Variants in MCPH1 observed in about 807,000 individuals in gnomAD.
The protein encoded by MCPH1 is microcephalin.
Under a neutral mutation model 84.5 loss-of-function variants are expected in MCPH1, and 104 were observed. That is an observed-to-expected ratio of 1.23 (90% CI 1.05 to 1.45). The LOEUF (loss-of-function observed/expected upper bound fraction) is 1.45. Ranked by LOEUF, MCPH1 falls within the 40% of genes most tolerant of loss-of-function variation. MCPH1 has a pLI of 0.00. For synonymous variants in MCPH1, 514 were observed against 366.8 expected (o/e 1.40, Z -4.58); for missense variants, 1,498 against 1,005.7 (o/e 1.49, Z -6.62).
intron 12 of MCPH1, chr8:6,562,956 G>A: frequency 6.4e-7 from 1 of 1,558,766 alleles, no homozygotes. Flanking sequence ...TAATAAACCA[G>A]CAGCTTAGCA....
At chr8:6,463,890 C>G (rs746015455) in intron 9 of MCPH1, among the ~76,000 whole-genome samples, 3 of 152,182 alleles carry the variant, frequency 2.0e-5, no homozygotes, top group Non-Finnish European at 4.4e-5. Flanking sequence ...AGATGGTGCA[C>G]TTGGCTGGAA....
intron 12 of MCPH1, chr8:6,532,544 C>A: frequency 3.0e-6 from 4 of 1,327,404 alleles, no homozygotes; most frequent in Non-Finnish European, 4.0e-6. Context: ...AAACCTGATT[C>A]CTAAATGTTT....
At chr8:6,472,832 A>T (rs1316217519) in intron 9 of MCPH1, among the ~76,000 whole-genome samples, 1 of 152,224 alleles carries the variant, frequency 6.6e-6, no homozygotes, top group African/African-American at 2.4e-5. Flanking sequence ...AAATATCAAA[A>T]ATTATCAAGA....
chr8:6,610,118 A>C (rs1830137948), intron 12 of MCPH1, among the ~76,000 whole-genome samples: 1 of 152,192 alleles, frequency 6.6e-6, no homozygotes, highest in Non-Finnish European at 1.5e-5. Flanking sequence ...TGGCCTTGAG[A>C]GTCTCCTTGC....
intron 9 of MCPH1, among the ~76,000 whole-genome samples, chr8:6,464,900 A>G (rs1806682940): frequency 6.6e-6 from 1 of 152,140 alleles, no homozygotes; most frequent in African/African-American, 2.4e-5. Context: ...TCGGGAGACT[A>G]AGGCAGGACA....
At chr8:6,581,536 T>C (rs1366473601) in intron 12 of MCPH1, among the ~76,000 whole-genome samples, 2 of 152,238 alleles carry the variant, frequency 1.3e-5, no homozygotes, top group East Asian at 1.9e-4. Context: ...CAGGATCTCA[T>C]GTAATACAGA....
chr8:6,421,858 G>A (rs1530408), intron 3 of MCPH1, among the ~76,000 whole-genome samples: 101,555 of 152,012 alleles, frequency 0.67, 38,048 homozygotes, highest in Non-Finnish European at 0.82. Context: ...CAAATGCTCT[G>A]GGCTTCCACG....
chr8:6,434,274 A>G (rs1802316321), intron 4 of MCPH1, among the ~76,000 whole-genome samples: 1 of 152,288 alleles, frequency 6.6e-6, no homozygotes, highest in Non-Finnish European at 1.5e-5. Flanking sequence ...CGCAAGATGG[A>G]GTGTCTTCTT....
chr8:6,617,900 A>AATCTATCTATCTATCTATCT (rs142071946), intron 12 of MCPH1, among the ~76,000 whole-genome samples: 3,004 of 143,094 alleles, frequency 0.021, 45 homozygotes, highest in East Asian at 0.031. Context: ...CTATCTATCT[A>AATCTATCTATCTATCTATCT]ATCTATCTAT....
intron 12 of MCPH1, chr8:6,500,146 C>A: frequency 5.5e-6 from 3 of 543,968 alleles, no homozygotes; most frequent in South Asian, 2.1e-5. Flanking sequence ...GGAATGCAGT[C>A]CAAAGAAAAT....
At chr8:6,585,689 A>C (rs1827920092) in intron 12 of MCPH1, among the ~76,000 whole-genome samples, 1 of 152,166 alleles carries the variant, frequency 6.6e-6, no homozygotes, top group South Asian at 2.1e-4. Context: ...CCTTCCTTCC[A>C]TATGGCCCAT....
In MCPH1 at chr8:6,634,653, G is replaced by C. The variant is rs1365034019; in HGVS notation, c.2453-8341G>C. Reference sequence around the variant, plus strand: ...TCACCAGGGACATCTTTTCTGATCGGTTTTACAAACACTTCGTACAGGCCT... The same window carrying C: ...TCACCAGGGACATCTTTTCTGATCGCTTTTACAAACACTTCGTACAGGCCT... On this transcript the variant is annotated intron_variant, in intron 13 of 13. Coordinates refer to ENST00000344683, the MANE Select transcript of MCPH1 (RefSeq NM_024596.5). Among the ~76,000 whole-genome samples, 7 of 152,188 alleles carry C rather than the reference G, an allele frequency of 4.6e-5. No homozygotes were observed. The South Asian group carries it at 1.0e-3, about 22-fold the overall frequency.
chr8:6,409,715 T>G (rs1798272410), intron 2 of MCPH1, among the ~76,000 whole-genome samples: 1 of 151,976 alleles, frequency 6.6e-6, no homozygotes, highest in African/African-American at 2.4e-5. Flanking sequence ...AAATATCTGT[T>G]AGATATTTGG....
chr8:6,496,243 A>C (rs555063335), intron 11 of MCPH1, among the ~76,000 whole-genome samples: 4 of 152,126 alleles, frequency 2.6e-5, no homozygotes, highest in Non-Finnish European at 5.9e-5. Flanking sequence ...TGCAACCTAG[A>C]TCCCTCATCT....
chr8:6,629,184 C>T (rs996575990), intron 13 of MCPH1, among the ~76,000 whole-genome samples: 3 of 152,174 alleles, frequency 2.0e-5, no homozygotes, highest in Non-Finnish European at 4.4e-5. Flanking sequence ...AGGAAGAGGC[C>T]AGGCGTGGTG....
chr8:6,519,969 T>C (rs1312692715), intron 12 of MCPH1: 4 of 1,614,068 alleles, frequency 2.5e-6, no homozygotes, highest in Non-Finnish European at 2.5e-6. Context: ...TTTGTTCTTC[T>C]TTAGCAACAG....
intron 12 of MCPH1, among the ~76,000 whole-genome samples, chr8:6,607,602 C>A (rs1362587918): frequency 2.0e-5 from 3 of 152,202 alleles, no homozygotes; most frequent in Non-Finnish European, 4.4e-5. Context: ...TCCCTCAATT[C>A]CCATGTGTTA....
chr8:6,494,606 G>A (rs1323788740), intron 11 of MCPH1: 1 of 152,160 alleles, frequency 6.6e-6, no homozygotes, highest in African/African-American at 2.4e-5. Flanking sequence ...AGTATAACTT[G>A]GATGAACGTT....
At chr8:6,529,164 A>T (rs1001400226) in intron 12 of MCPH1, among the ~76,000 whole-genome samples, 9 of 152,202 alleles carry the variant, frequency 5.9e-5, no homozygotes, top group Non-Finnish European at 1.3e-4. Flanking sequence ...GAGAGCATCA[A>T]ACCGCTGGAC....
Sources: allele counts gnomAD v4.1 joint callset (sites outside exome capture counted in the v4.1 genomes callset), GRCh38; gene constraint gnomAD v4.1.1; transcripts MANE v1.5; gene names NCBI Gene and HGNC (gene_info 2026-07-23, HGNC 2026-07-21).